The following NOX3 variants were observed in gnomAD, a reference collection of about 807,000 sequenced individuals.
The protein encoded by NOX3 is NADPH oxidase catalytic subunit-like 3.
In NOX3, 74 loss-of-function variants were observed where a neutral mutation model predicts 76.7. That is an observed-to-expected ratio of 0.96 (90% confidence interval 0.80 to 1.17). The LOEUF (loss-of-function observed/expected upper bound fraction) is 1.17. Among genes scored for constraint, NOX3 ranks in the 50% most tolerant of loss-of-function variants. The probability of loss-of-function intolerance (pLI) is 0.00; values close to 1 mark genes in which losing one functional copy is unlikely to be tolerated. For synonymous variants in NOX3, 263 were observed against 261.1 expected (o/e 1.01, Z -0.07); for missense variants, 695 against 703.3 (o/e 0.99, Z 0.13).
chr6:155,444,118 T>C (rs1053098756), intron 4 of NOX3, among the ~76,000 whole-genome samples: 10 of 152,232 alleles, frequency 6.6e-5, no homozygotes, highest in Non-Finnish European at 1.2e-4. Flanking sequence ...TTTCAGCCAC[T>C]CTATTTTCTG....
Position 155,400,831 on chromosome 6 carries a change from C to T in NOX3, c.1581-3869G>A, listed in dbSNP as rs58008900. Among the ~76,000 whole-genome samples, 451 of 152,246 alleles carry T rather than the reference C, an allele frequency of 3.0e-3. 4 individuals carry two copies. Among genetic ancestry groups the T allele is most frequent in the African/African-American group, 0.01 (420 of 41,532 alleles). On this transcript the variant is annotated intron_variant, in intron 12 of 13. Transcript: ENST00000159060. ...CTTTGGCAGCCAGAACTGTGCTGTT[C>T]GGACACTTGTCCCAGCTCCCTCATT... is the stretch of plus-strand genomic sequence containing the variant.
At chr6:155,427,148 T>C (rs1241595353) in intron 9 of NOX3, among the ~76,000 whole-genome samples, 5 of 152,042 alleles carry the variant, frequency 3.3e-5, no homozygotes, top group Admixed American at 1.3e-4. Flanking sequence ...CTTTCCATTA[T>C]AAAAAAGAAA....
chr6:155,411,988 G>T (rs543807007), intron 10 of NOX3, among the ~76,000 whole-genome samples: 1 of 151,972 alleles, frequency 6.6e-6, no homozygotes, highest in Non-Finnish European at 1.5e-5. Context: ...TTTAACTCTC[G>T]GTATTAAGCA....
intron 1 of NOX3, 25 bp downstream of exon 1, chr6:155,455,728 G>A: frequency 6.3e-7 from 1 of 1,577,420 alleles, no homozygotes; most frequent in Non-Finnish European, 8.7e-7. Flanking sequence ...TATATTTAAA[G>A]TTGAATAACA....
intron 7 of NOX3, among the ~76,000 whole-genome samples, chr6:155,435,405 A>C (rs1012365214): frequency 1.7e-4 from 26 of 152,088 alleles, no homozygotes; most frequent in African/African-American, 6.0e-4. Flanking sequence ...GACAATCTAT[A>C]CCGGCCATTA....
chr6:155,408,628 C>T (rs1289776754), intron 11 of NOX3, among the ~76,000 whole-genome samples: 4 of 152,064 alleles, frequency 2.6e-5, no homozygotes, highest in Non-Finnish European at 5.9e-5. Flanking sequence ...CTCAGAAATC[C>T]AGGCCAATTA....
rs1777195771 is a variant in NOX3, at chr6:155,455,065, T to G, written c.113A>C (p.Glu38Ala). Residue 38 changes from glutamate (E) to alanine (A), a missense_variant, in exon 2 of 14, where the codon GAG becomes GCG. Glu to Ala is a moderately radical substitution (Grantham distance 107). Coordinates refer to ENST00000159060, the MANE Select transcript of NOX3 (RefSeq NM_015718.3). ...AATAACTCGTGTGTAATGGAAAGAC[T>G]CCTCCTCTTCATACCAGTAGAACGT... Reference protein sequence around the residue: ...IDTFYWYEEEESFHYTRVILG... With the variant: ...IDTFYWYEEEASFHYTRVILG... The G allele has an allele frequency of 1.2e-6, 2 of 1,612,874 alleles. No homozygotes were observed.
intron 4 of NOX3, among the ~76,000 whole-genome samples, chr6:155,449,445 G>A (rs558416060): frequency 4.6e-5 from 7 of 152,282 alleles, no homozygotes; most frequent in Non-Finnish European, 7.4e-5. Flanking sequence ...GAACGAAGAG[G>A]CTGTGAAACT....
intron 4 of NOX3, among the ~76,000 whole-genome samples, chr6:155,444,943 T>C (rs1009086222): frequency 5.3e-5 from 8 of 152,356 alleles, no homozygotes; most frequent in African/African-American, 1.7e-4. Context: ...TTTATGGAAC[T>C]AAATGTACCT....
Position 155,430,853 on chromosome 6 carries a change from A to G in NOX3, c.881T>C (p.Val294Ala). 6.2e-7 allele frequency: 1 copy of G among 1,610,742 alleles called. No homozygotes were observed. Among genetic ancestry groups the G allele is most frequent in the Non-Finnish European group, 8.5e-7 (1 of 1,177,178 alleles). The change falls in exon 8 of 14, where the codon GTC becomes GCC. Residue 294 changes from valine (V) to alanine (A), a missense_variant. Physicochemically the swap from Val to Ala is moderately conservative, Grantham distance 64. Transcript: ENST00000159060. Reference sequence around the variant, plus strand: ...AAGCTACATGCATACCTTGGTAATGACAACTTCTTGTTGAAATCGCCAGAA... The same window carrying G: ...AAGCTACATGCATACCTTGGTAATGGCAACTTCTTGTTGAAATCGCCAGAA... ...IRFWRFQQEV[V>A]ITKVVSHPSG...
At chr6:155,443,444 A>G (rs201225816) in intron 4 of NOX3, 26 bp from the exon 5 acceptor site, 174 of 1,609,462 alleles carry the variant, frequency 1.1e-4, no homozygotes, top group African/African-American at 4.0e-5. Flanking sequence ...GACACCAAAC[A>G]TGCACCCTGT....
chr6:155,449,054 C>G (rs1400169804), intron 4 of NOX3, among the ~76,000 whole-genome samples: 1 of 152,136 alleles, frequency 6.6e-6, no homozygotes, highest in Non-Finnish European at 1.5e-5. Flanking sequence ...CTCCCAGAGC[C>G]TCAGGGGGAA....
Position 155,428,818 on chromosome 6 carries a change from AG to A in NOX3, c.1120del (p.Leu374SerfsTer20). Reference protein sequence around the residue: ...LEAFGAEGQALQEPWSLPRLA... With the variant: ...LEAFGAEGQAXQEPWSLPRLA... ...CCTTGGCAGGCTCCAGGGCTCCTGG[AG>A]GGCCTGTCCCTCTGCCCCAAAGGCC... On this transcript the variant is annotated frameshift_variant, in exon 9 of 14. Coordinates refer to ENST00000159060, the MANE Select transcript of NOX3 (RefSeq NM_015718.3). LOFTEE classifies it high-confidence loss of function. 6.5e-7 allele frequency: 1 copy of A among 1,537,530 alleles called. No individual in the cohort carries two copies. Among genetic ancestry groups the A allele is most frequent in the Non-Finnish European group, 8.8e-7 (1 of 1,138,138 alleles).
intron 5 of NOX3, among the ~76,000 whole-genome samples, chr6:155,442,268 A>T (rs941348773): frequency 5.9e-5 from 9 of 152,174 alleles, no homozygotes; most frequent in African/African-American, 2.2e-4. Context: ...TGTCTCAAAA[A>T]AAATAAATAA....
At chr6:155,429,337 C>T (rs758486668) in intron 8 of NOX3, among the ~76,000 whole-genome samples, 4 of 152,190 alleles carry the variant, frequency 2.6e-5, no homozygotes, top group Non-Finnish European at 2.9e-5. Flanking sequence ...AGGCTTTCCA[C>T]AGCACAGTCA....
At position 155,453,166 on chromosome 6, in the gene NOX3, C is replaced by A. The variant is rs77767453; in HGVS notation, c.340+238G>T. Among the ~76,000 whole-genome samples the A allele has an allele frequency of 6.8e-4, 104 of 152,216 alleles. 1 individual carries two copies. In the East Asian group the frequency reaches 0.013, roughly 19 times the overall value. On this transcript the variant is annotated intron_variant, in intron 4 of 13. Coordinates refer to ENST00000159060, the MANE Select transcript of NOX3 (RefSeq NM_015718.3). ...TGTATTATTAACAAGCTTAACTATT[C>A]GCAAATGAAGTTTCACCAACTTTTC...
chr6:155,407,880 G>A (rs1252497715), intron 11 of NOX3, among the ~76,000 whole-genome samples: 3 of 152,198 alleles, frequency 2.0e-5, no homozygotes, highest in South Asian at 2.1e-4. Context: ...TTGGAATTAA[G>A]CAACTCCATC....
chr6:155,413,985 C>G (rs1307020968), intron 10 of NOX3, among the ~76,000 whole-genome samples: 1 of 152,186 alleles, frequency 6.6e-6, no homozygotes, highest in African/African-American at 2.4e-5. Context: ...AAATAGAAAT[C>G]CTTCCTTACT....
intron 7 of NOX3, among the ~76,000 whole-genome samples, chr6:155,432,021 A>G (rs997748463): frequency 2.2e-4 from 33 of 152,318 alleles, no homozygotes; most frequent in African/African-American, 7.7e-4. Context: ...AGGATACTGC[A>G]TGCTCTTGGA....
Sources: gnomAD v4.1 joint callset for allele counts (sites outside exome capture counted in the v4.1 genomes callset) on GRCh38, gnomAD v4.1.1 for gene constraint, MANE v1.5 for transcripts, NCBI Gene and HGNC (gene_info 2026-07-23, HGNC 2026-07-21) for gene names.